Variants in HIKESHI observed in about 807,000 individuals in gnomAD.
The protein encoded by HIKESHI is heat shock protein nuclear import factor hikeshi, also known as protein Hikeshi.
HIKESHI carries 13 observed loss-of-function variants against 25.7 expected under a neutral mutation model. The observed-to-expected ratio is 0.51, with a 90% CI of 0.33 to 0.80. The LOEUF (loss-of-function observed/expected upper bound fraction) is 0.80. Among genes scored for constraint, HIKESHI ranks in the 30% least tolerant of loss-of-function variants. The pLI is 0.02. For missense variants in HIKESHI, 174 were observed against 229.5 expected (o/e 0.76, Z 1.56); for synonymous variants, 76 against 78.7 (o/e 0.97, Z 0.18).
In HIKESHI at chr11:86,322,902, T is replaced by C. The variant is rs149156991; in HGVS notation, c.269-14477T>C. ...TCCATCATCAAGCATGTTCTCTTGA[T>C]ACTCACTTGGGAGCTCTCAACTGCT... On this transcript the variant is annotated intron_variant, in intron 2 of 4. Transcript: ENST00000278483. Among the ~76,000 whole-genome samples the C allele has an allele frequency of 1.8e-3, 275 of 152,304 alleles. 1 individual carries two copies. Among genetic ancestry groups the C allele is most frequent in the African/African-American group, 6.5e-3 (270 of 41,576 alleles).
chr11:86,323,191 A>G (rs544014581), intron 2 of HIKESHI, among the ~76,000 whole-genome samples: 48 of 152,048 alleles, frequency 3.2e-4, no homozygotes, highest in African/African-American at 1.2e-3. Context: ...CAATCATACC[A>G]TTGCACTCCA....
chr11:86,337,196 C>A (rs1947587796), intron 2 of HIKESHI, among the ~76,000 whole-genome samples, 183 bp from the exon 3 acceptor site: 1 of 152,020 alleles, frequency 6.6e-6, no homozygotes. Flanking sequence ...ACTTTTAGTT[C>A]TTTTATTCTT....
In HIKESHI at chr11:86,345,556, A is replaced by G. The variant is rs1947849965; in HGVS notation, c.540-28A>G. On this transcript the variant is annotated intron_variant, in intron 4 of 4. Transcript: ENST00000278483. ...AGATCCTATTTTAATTTTCTTGTGA[A>G]TGTAAATATATGTGTTTTCTTTTCT... 3 of 1,347,036 alleles carry G rather than the reference A, an allele frequency of 2.2e-6. No individual in the cohort carries two copies. The South Asian group carries it at 3.9e-5, about 18-fold the overall frequency. 83.4% of individuals were successfully genotyped at this position (1,347,036 alleles called of 1,614,324 possible). A position where few individuals can be genotyped will look rare whatever the true frequency, so the allele number is the denominator to read the frequency against.
chr11:86,304,466 ATGGCATGTTCTACCTCAGCTGCCAG>A (rs1946565883), intron 1 of HIKESHI, among the ~76,000 whole-genome samples: 1 of 150,576 alleles, frequency 6.6e-6, no homozygotes, highest in African/African-American at 2.4e-5. Context: ...CTGAAACAAG[ATGGCATGTTCTACCTCAGCTGCCAG>A]TGTGTGAGTT....
chr11:86,328,406 T>G (rs2646728), intron 2 of HIKESHI, among the ~76,000 whole-genome samples: 92,981 of 150,040 alleles, frequency 0.62, 29,028 homozygotes, highest in East Asian at 0.79. Flanking sequence ...CTACAGGCAC[T>G]CACCACCATG....
At chr11:86,321,057 C>T (rs1159177875) in intron 2 of HIKESHI, among the ~76,000 whole-genome samples, 1 of 152,008 alleles carries the variant, frequency 6.6e-6, no homozygotes, top group African/African-American at 2.4e-5. Flanking sequence ...GCCTCAGCCT[C>T]TTGAGTAGCT....
intron 2 of HIKESHI, among the ~76,000 whole-genome samples, chr11:86,325,302 C>T (rs369566207): frequency 7.9e-5 from 12 of 152,046 alleles, no homozygotes; most frequent in East Asian, 3.9e-4. Flanking sequence ...GTCAAGAGAG[C>T]TCTGTTGGGA....
intron 2 of HIKESHI, among the ~76,000 whole-genome samples, chr11:86,316,768 A>ATTTTTT (rs1946991169): frequency 1.2e-5 from 1 of 83,496 alleles, no homozygotes; most frequent in Non-Finnish European, 2.6e-5. Context: ...AATCTGAAAC[A>ATTTTTT]TTCTTTTTTT....
chr11:86,345,196 T>C, intron 4 of HIKESHI: 1 of 1,001,340 alleles, frequency 1.0e-6, no homozygotes, highest in Non-Finnish European at 1.2e-6. Flanking sequence ...TGGAATGCAC[T>C]AGGTTTGAAT....
At chr11:86,304,364 G>A (rs761584572) in intron 1 of HIKESHI, among the ~76,000 whole-genome samples, 4 of 152,062 alleles carry the variant, frequency 2.6e-5, no homozygotes, top group Non-Finnish European at 5.9e-5. Context: ...CTTGAACTTG[G>A]TCATTTTAAA....
chr11:86,341,738 C>T (rs1243316333), intron 3 of HIKESHI, among the ~76,000 whole-genome samples: 1 of 152,118 alleles, frequency 6.6e-6, no homozygotes, highest in Non-Finnish European at 1.5e-5. Context: ...TTCTCTGGAC[C>T]TATTGTATAG....
intron 2 of HIKESHI, among the ~76,000 whole-genome samples, chr11:86,311,476 G>C (rs552852261): frequency 6.6e-6 from 1 of 151,946 alleles, no homozygotes; most frequent in Admixed American, 6.6e-5. Context: ...TCTTGCTAGT[G>C]GTCTATGTAT....
At chr11:86,333,663 C>T (rs1350493367) in intron 2 of HIKESHI, among the ~76,000 whole-genome samples, 3 of 151,838 alleles carry the variant, frequency 2.0e-5, no homozygotes, top group African/African-American at 7.3e-5. Flanking sequence ...ATGTGTTCTG[C>T]TATTCTTTTA....
At chr11:86,311,437 T>C (rs1424329251) in intron 2 of HIKESHI, among the ~76,000 whole-genome samples, 2 of 152,202 alleles carry the variant, frequency 1.3e-5, no homozygotes, top group Non-Finnish European at 2.9e-5. Context: ...TGAGTCTATT[T>C]GATTCTTCTC....
At chr11:86,317,534 G>A (rs187881119) in intron 2 of HIKESHI, among the ~76,000 whole-genome samples, 64 of 152,340 alleles carry the variant, frequency 4.2e-4, no homozygotes, top group African/African-American at 1.4e-3. Flanking sequence ...GCTGGGTGTG[G>A]TGGCTCATGC....
At position 86,319,242 on chromosome 11, in the gene HIKESHI, A is replaced by ATATAT. The variant is rs1383589741; in HGVS notation, c.268+12761_268+12762insATATT. Among the ~76,000 whole-genome samples the ATATAT allele has an allele frequency of 4.5e-3, 426 of 94,918 alleles. 4 individuals carry two copies. Among genetic ancestry groups the ATATAT allele is most frequent in the African/African-American group, 0.018 (387 of 21,632 alleles). 62.3% of individuals were successfully genotyped at this position (94,918 alleles called of 152,430 possible). A position where few individuals can be genotyped will look rare whatever the true frequency, so the allele number is the denominator to read the frequency against. On this transcript the variant is annotated intron_variant, in intron 2 of 4. Transcript: ENST00000278483. Reference sequence around the variant, plus strand: ...AATATATATATATATATATATATATATTTTTTTTTTTTTTGAGACCAGTCT... The same window carrying ATATAT: ...AATATATATATATATATATATATATATATATTTTTTTTTTTTTTTGAGACCAGTCT...
At chr11:86,328,299 C>T (rs1034598943) in intron 2 of HIKESHI, among the ~76,000 whole-genome samples, 2 of 151,916 alleles carry the variant, frequency 1.3e-5, no homozygotes, top group African/African-American at 4.8e-5. Flanking sequence ...CACTTTGTCA[C>T]CCAGACTGGA....
chr11:86,334,827 A>G (rs925091410), intron 2 of HIKESHI, among the ~76,000 whole-genome samples: 1 of 152,156 alleles, frequency 6.6e-6, no homozygotes, highest in African/African-American at 2.4e-5. Flanking sequence ...TTTTGTAGAG[A>G]TGGGGTCTCC....
Position 86,342,819 on chromosome 11 carries a change from G to T in HIKESHI, c.421-1784G>T, listed in dbSNP as rs562219651. 5.3e-5 allele frequency among the ~76,000 whole-genome samples: 8 copies of T among 150,878 alleles called. No individual in the cohort carries two copies. The East Asian group carries it at 1.6e-3, about 29-fold the overall frequency. ...TTTATTCCAATTAGTTTATTTGCCT[G>T]TCTCTTTGCCAGTGGGGCAAGTTCC... On this transcript the variant is annotated intron_variant, in intron 3 of 4. Coordinates refer to ENST00000278483, the MANE Select transcript of HIKESHI (RefSeq NM_016401.4).
Sources: allele counts gnomAD v4.1 joint callset (sites outside exome capture counted in the v4.1 genomes callset), GRCh38; gene constraint gnomAD v4.1.1; transcripts MANE v1.5; gene names NCBI Gene and HGNC (gene_info 2026-07-23, HGNC 2026-07-21).